The following KCNQ3 variants were observed in gnomAD, a reference collection of about 807,000 sequenced individuals.
KCNQ3 encodes the protein potassium voltage-gated channel subfamily Q member 3.
KCNQ3 carries 30 observed loss-of-function variants against 92.5 expected under a neutral mutation model. The observed-to-expected ratio is 0.32, with a 90% CI of 0.24 to 0.44. The LOEUF is 0.44. Among genes scored for constraint, KCNQ3 ranks in the 20% least tolerant of loss-of-function variants. The pLI is 1.00. For synonymous variants in KCNQ3, 450 were observed against 468.8 expected (o/e 0.96, Z 0.52); for missense variants, 913 against 1,140.3 (o/e 0.80, Z 2.87).
chr8:132,274,038 C>T lies in KCNQ3; in HGVS notation c.387-87857G>A, dbSNP rs953671946. ...AAACTGTTCCAAACTCTTCCTGTTACCCAGTTCCAAAGTTGCTTCCACATT... is the reference window on the plus strand; with the variant it reads ...AAACTGTTCCAAACTCTTCCTGTTATCCAGTTCCAAAGTTGCTTCCACATT... On this transcript the variant is annotated intron_variant, in intron 1 of 14. Transcript: ENST00000388996. Among the ~76,000 whole-genome samples, 8 of 152,310 alleles carry T rather than the reference C, an allele frequency of 5.3e-5. No individual in the cohort carries two copies. In the East Asian group the frequency reaches 1.5e-3, roughly 29 times the overall value.
At chr8:132,305,562 T>C (rs943060042) in intron 1 of KCNQ3, among the ~76,000 whole-genome samples, 13 of 152,114 alleles carry the variant, frequency 8.5e-5, no homozygotes, top group Non-Finnish European at 1.6e-4. Flanking sequence ...TGGTGGTTGC[T>C]TCAACAGGAG....
Position 132,170,480 on chromosome 8 carries a change from C to T in KCNQ3, c.1141-52G>A, listed in dbSNP as rs375615026. 28 of 1,127,916 alleles carry T rather than the reference C, an allele frequency of 2.5e-5. 1 individual carries two copies. The highest frequency in any genetic ancestry group is 8.5e-5 in the Admixed American group (5 of 58,988). The allele number at this position is 1,127,916 out of a possible 1,614,324, so 69.9% of individuals were successfully genotyped here. ...ATGAGTGGGCACCACCTGAAACTTT[C>T]GCACAGACTCCCACACCAACAAAAC... On this transcript the variant is annotated intron_variant, in intron 7 of 14. Coordinates refer to ENST00000388996, the MANE Select transcript of KCNQ3 (RefSeq NM_004519.4).
At chr8:132,276,398 C>T (rs1385496656) in intron 1 of KCNQ3, among the ~76,000 whole-genome samples, 2 of 151,994 alleles carry the variant, frequency 1.3e-5, no homozygotes, top group Admixed American at 6.6e-5. Context: ...ACCACAGAAA[C>T]ATCCAGGGCA....
intron 1 of KCNQ3, among the ~76,000 whole-genome samples, chr8:132,318,790 C>T (rs1328294210): frequency 6.6e-6 from 1 of 152,210 alleles, no homozygotes; most frequent in Non-Finnish European, 1.5e-5. Context: ...CTATGGGAAA[C>T]ACTGCGTTAG....
intron 1 of KCNQ3, among the ~76,000 whole-genome samples, chr8:132,316,778 A>G (rs1429050211): frequency 6.6e-6 from 1 of 152,256 alleles, no homozygotes; most frequent in Non-Finnish European, 1.5e-5. Flanking sequence ...TGCTGTAAGC[A>G]CTTCACATAT....
chr8:132,330,166 A>T (rs1161753985), intron 1 of KCNQ3, among the ~76,000 whole-genome samples: 3 of 152,206 alleles, frequency 2.0e-5, no homozygotes, highest in South Asian at 2.1e-4. Flanking sequence ...GACTGCAGTG[A>T]TATGGCCACA....
At chr8:132,318,260 A>G (rs770224128) in intron 1 of KCNQ3, among the ~76,000 whole-genome samples, 4 of 152,042 alleles carry the variant, frequency 2.6e-5, no homozygotes, top group Non-Finnish European at 5.9e-5. Context: ...TTTAATACAT[A>G]AAGTAATTAA....
intron 1 of KCNQ3, among the ~76,000 whole-genome samples, chr8:132,333,204 G>A (rs773428102): frequency 6.6e-6 from 1 of 152,162 alleles, no homozygotes; most frequent in Non-Finnish European, 1.5e-5. Context: ...AATTCCTCAT[G>A]GCCTAAAGCA....
intron 1 of KCNQ3, among the ~76,000 whole-genome samples, chr8:132,430,728 G>A (rs977316967): frequency 6.6e-6 from 1 of 152,216 alleles, no homozygotes; most frequent in East Asian, 1.9e-4. Context: ...TGTTTGCTCA[G>A]CGCAGTGTAC....
intron 1 of KCNQ3, among the ~76,000 whole-genome samples, chr8:132,341,526 G>A (rs761521931): frequency 9.2e-5 from 14 of 152,088 alleles, no homozygotes; most frequent in Non-Finnish European, 1.3e-4. Flanking sequence ...GTGCCTTCTC[G>A]TCCCTTGGTT....
intron 4 of KCNQ3, among the ~76,000 whole-genome samples, chr8:132,178,322 G>A (rs1826637304): frequency 6.6e-6 from 1 of 152,186 alleles, no homozygotes. Flanking sequence ...GCCAGAAGTA[G>A]CACAGACAAA....
intron 9 of KCNQ3, 81 bp downstream of exon 9, chr8:132,163,387 T>A (rs1826048980): frequency 5.9e-6 from 7 of 1,182,980 alleles, no homozygotes; most frequent in Non-Finnish European, 8.9e-6. Context: ...TGACCTCCCA[T>A]GGGGCCCTAC....
At chr8:132,432,119 C>T (rs1347869637) in intron 1 of KCNQ3, among the ~76,000 whole-genome samples, 1 of 152,148 alleles carries the variant, frequency 6.6e-6, no homozygotes, top group East Asian at 1.9e-4. Flanking sequence ...CCTATTAATT[C>T]TCCATTGACT....
chr8:132,256,944 G>A (rs559798792), intron 1 of KCNQ3, among the ~76,000 whole-genome samples: 2 of 152,180 alleles, frequency 1.3e-5, no homozygotes, highest in East Asian at 3.9e-4. Flanking sequence ...ATCGGTGAAG[G>A]TAACTACATA....
intron 1 of KCNQ3, among the ~76,000 whole-genome samples, chr8:132,264,323 G>C (rs1815903747): frequency 1.3e-5 from 2 of 152,288 alleles, no homozygotes; most frequent in Middle Eastern, 3.4e-3. Context: ...CTACTGAGCT[G>C]TGCAGAATAG....
chr8:132,316,400 T>C (rs530891447), intron 1 of KCNQ3, among the ~76,000 whole-genome samples: 3 of 152,344 alleles, frequency 2.0e-5, no homozygotes, highest in Non-Finnish European at 1.5e-5. Flanking sequence ...GTTAGAATAC[T>C]GGCTCTGCCA....
chr8:132,372,426 C>T (rs961909547), intron 1 of KCNQ3, among the ~76,000 whole-genome samples: 2 of 152,082 alleles, frequency 1.3e-5, no homozygotes, highest in African/African-American at 4.8e-5. Context: ...TAATACTACT[C>T]CCCCAGGGCT....
intron 8 of KCNQ3, among the ~76,000 whole-genome samples, 198 bp downstream of exon 8, chr8:132,170,136 G>C (rs572000003): frequency 6.6e-6 from 1 of 152,160 alleles, no homozygotes; most frequent in Non-Finnish European, 1.5e-5. Context: ...GCCTCCCAAA[G>C]TGCTGGGATT....
intron 1 of KCNQ3, among the ~76,000 whole-genome samples, chr8:132,215,358 A>G (rs1356313768): frequency 6.6e-6 from 1 of 152,234 alleles, no homozygotes; most frequent in Non-Finnish European, 1.5e-5. Context: ...AAAATTAACT[A>G]TAGCTATTTA....
Sources: gnomAD v4.1 joint callset for allele counts (sites outside exome capture counted in the v4.1 genomes callset) on GRCh38, gnomAD v4.1.1 for gene constraint, MANE v1.5 for transcripts, NCBI Gene and HGNC (gene_info 2026-07-23, HGNC 2026-07-21) for gene names.